The following RNLS variants were observed in gnomAD, a reference collection of about 807,000 sequenced individuals.
RNLS encodes renalase, FAD dependent amine oxidase, also known as renalase.
RNLS carries 39 observed loss-of-function variants against 39.8 expected under a neutral mutation model. The ratio of observed to expected loss-of-function variants is 0.98; its 90% confidence interval spans 0.76 to 1.28. The LOEUF is 1.28. RNLS is among the 50% of genes most tolerant of loss of function. RNLS has a pLI of 0.00. For synonymous variants in RNLS, 147 were observed against 150.7 expected (o/e 0.98, Z 0.18); for missense variants, 410 against 413.3 (o/e 0.99, Z 0.07).
intron 6 of RNLS, among the ~76,000 whole-genome samples, chr10:88,277,258 A>G (rs1842843110): frequency 2.0e-5 from 3 of 150,042 alleles, no homozygotes; most frequent in Non-Finnish European, 4.4e-5. Flanking sequence ...TCTCACTCAT[A>G]GGTGGGAATT....
intron 4 of RNLS, among the ~76,000 whole-genome samples, chr10:88,411,807 G>A (rs1302543111): frequency 3.9e-5 from 6 of 152,084 alleles, no homozygotes; most frequent in Non-Finnish European, 8.8e-5. Flanking sequence ...GGATATAATG[G>A]TGAGCTGAAT....
chr10:88,182,550 C>G, the RNLS span, among the ~76,000 whole-genome samples: 1 of 152,016 alleles, frequency 6.6e-6, no homozygotes, highest in Admixed American at 6.6e-5. Context: ...ACAAAAATAC[C>G]CATTCCAGCA....
At chr10:88,501,242 G>A (rs1212812604) in intron 4 of RNLS, among the ~76,000 whole-genome samples, 1 of 152,024 alleles carries the variant, frequency 6.6e-6, no homozygotes, top group African/African-American at 2.4e-5. Flanking sequence ...CAATAATTAT[G>A]AATTAGCTGT....
chr10:88,504,018 G>T (rs1325900), intron 4 of RNLS, among the ~76,000 whole-genome samples: 27,005 of 152,094 alleles, frequency 0.18, 2,713 homozygotes, highest in Admixed American at 0.27. Context: ...TTCTCAGGTA[G>T]CCTATGGAGA....
chr10:88,563,010 A>C (rs1849278901), intron 4 of RNLS, among the ~76,000 whole-genome samples: 1 of 152,180 alleles, frequency 6.6e-6, no homozygotes, highest in Non-Finnish European at 1.5e-5. Flanking sequence ...CCTAATAAGT[A>C]ATGTGTAAGA....
At chr10:88,498,639 A>G (rs1430094075) in intron 4 of RNLS, among the ~76,000 whole-genome samples, 1 of 151,328 alleles carries the variant, frequency 6.6e-6, no homozygotes, top group African/African-American at 2.4e-5. Context: ...AATTTTGACA[A>G]TTGTCCTATG....
At chr10:88,395,267 C>A in intron 4 of RNLS, among the ~76,000 whole-genome samples, 1 of 146,692 alleles carries the variant, frequency 6.8e-6, no homozygotes, top group African/African-American at 2.5e-5. Flanking sequence ...TGAGGAAGCC[C>A]AGACATTGTA....
At position 88,581,615 on chromosome 10, in the gene RNLS, C is replaced by T; in HGVS notation, c.319G>A (p.Ala107Thr). The T allele has an allele frequency of 1.2e-6, 2 of 1,607,796 alleles. No individual in the cohort carries two copies. Among genetic ancestry groups the T allele is most frequent in the Non-Finnish European group, 1.7e-6 (2 of 1,177,042 alleles). Residue 107 changes from alanine to threonine, a missense_variant, in exon 3 of 7, where the codon GCA becomes ACA. Coordinates refer to ENST00000331772, the MANE Select transcript of RNLS (RefSeq NM_001031709.3). Reference sequence around the variant, plus strand: ...ATAATTGAAGAAATTCCTTGAGGTGCCACAAAGTTACAGTCTCCTTCTTTC... The same window carrying T: ...ATAATTGAAGAAATTCCTTGAGGTGTCACAAAGTTACAGTCTCCTTCTTTC... ...VMKEGDCNFV[A>T]PQGISSIIKH...
At chr10:88,464,638 C>A (rs1843106247) in intron 4 of RNLS, among the ~76,000 whole-genome samples, 1 of 152,034 alleles carries the variant, frequency 6.6e-6, no homozygotes, top group African/African-American at 2.4e-5. Context: ...CAAACCAGAA[C>A]TTTTTACAAA....
At chr10:88,568,376 T>C (rs1276783778) in intron 4 of RNLS, among the ~76,000 whole-genome samples, 2 of 152,008 alleles carry the variant, frequency 1.3e-5, no homozygotes, top group East Asian at 1.9e-4. Flanking sequence ...TGATAAAAAA[T>C]TCCAAAATTT....
intron 4 of RNLS, among the ~76,000 whole-genome samples, chr10:88,392,250 C>A (rs969267357): frequency 6.6e-6 from 1 of 152,190 alleles, no homozygotes; most frequent in Non-Finnish European, 1.5e-5. Flanking sequence ...TGGAAAGATA[C>A]GTCCACAGGA....
chr10:88,514,830 C>T (rs1251262482), intron 4 of RNLS, among the ~76,000 whole-genome samples: 1 of 151,984 alleles, frequency 6.6e-6, no homozygotes, highest in African/African-American at 2.4e-5. Context: ...AAAAACACTG[C>T]AATAAACATG....
At chr10:88,520,305 C>T (rs920935338) in intron 4 of RNLS, among the ~76,000 whole-genome samples, 3 of 151,944 alleles carry the variant, frequency 2.0e-5, no homozygotes, top group Non-Finnish European at 4.4e-5. Context: ...AAGTATCACT[C>T]GCAACAATTA....
At chr10:88,335,901 A>G (rs988001826) in intron 5 of RNLS, among the ~76,000 whole-genome samples, 1 of 152,230 alleles carries the variant, frequency 6.6e-6, no homozygotes, top group East Asian at 1.9e-4. Flanking sequence ...GCAATTTTAC[A>G]TTTCTAATAG....
At chr10:88,417,740 G>T (rs1854125717) in intron 4 of RNLS, among the ~76,000 whole-genome samples, 1 of 152,166 alleles carries the variant, frequency 6.6e-6, no homozygotes, top group Non-Finnish European at 1.5e-5. Flanking sequence ...TGGGAACAAA[G>T]AAAGTGCATT....
intron 6 of RNLS, among the ~76,000 whole-genome samples, chr10:88,308,302 T>G (rs1340041684): frequency 1.3e-5 from 2 of 152,130 alleles, no homozygotes; most frequent in Non-Finnish European, 2.9e-5. Context: ...GAGATCTATT[T>G]GAAGAGCTGT....
chr10:88,504,897 T>C (rs1845705130), intron 4 of RNLS, among the ~76,000 whole-genome samples: 1 of 150,978 alleles, frequency 6.6e-6, no homozygotes, highest in Non-Finnish European at 1.5e-5. Flanking sequence ...TTTTATTTTT[T>C]TAAGTATCAA....
the RNLS span, among the ~76,000 whole-genome samples, chr10:88,260,565 A>T: frequency 1.3e-5 from 2 of 152,220 alleles, no homozygotes; most frequent in African/African-American, 4.8e-5. Context: ...CCCTGCTCTT[A>T]AACACTACCT....
At chr10:88,470,819 TTGGTCAGGC>T (rs997509640) in intron 4 of RNLS, among the ~76,000 whole-genome samples, 4 of 152,116 alleles carry the variant, frequency 2.6e-5, no homozygotes, top group Non-Finnish European at 4.4e-5. Context: ...TTTCACCATG[TTGGTCAGGC>T]TGGTCTCAAA....
Sources: gnomAD v4.1 joint callset for allele counts (sites outside exome capture counted in the v4.1 genomes callset) on GRCh38, gnomAD v4.1.1 for gene constraint, MANE v1.5 for transcripts, NCBI Gene and HGNC (gene_info 2026-07-23, HGNC 2026-07-21) for gene names.